Variants in XIRP2 observed in about 807,000 individuals in gnomAD.
XIRP2 encodes the protein xin actin-binding repeat-containing protein 2.
In XIRP2, 236 loss-of-function variants were observed where a neutral mutation model predicts 277.0. The ratio of observed to expected loss-of-function variants is 0.85; its 90% confidence interval spans 0.77 to 0.95. The LOEUF is 0.95. Among genes scored for constraint, XIRP2 ranks in the 40% least tolerant of loss-of-function variants. The pLI, the probability that XIRP2 is intolerant of heterozygous loss-of-function variation, is 0.00. For missense variants in XIRP2, 4,640 were observed against 4,157.5 expected (o/e 1.12, Z -3.19); for synonymous variants, 1,490 against 1,416.5 (o/e 1.05, Z -1.17).
At chr2:167,214,382 C>T (rs1243658944) in intron 4 of XIRP2, among the ~76,000 whole-genome samples, 3 of 147,216 alleles carry the variant, frequency 2.0e-5, no homozygotes, top group Non-Finnish European at 4.5e-5. Flanking sequence ...GAGGCTCAGA[C>T]GGGAGAATCA....
At chr2:167,203,182 G>T (rs1210178629) in intron 3 of XIRP2, among the ~76,000 whole-genome samples, 1 of 152,100 alleles carries the variant, frequency 6.6e-6, no homozygotes, top group Non-Finnish European at 1.5e-5. Flanking sequence ...AGGTCCTGGG[G>T]ATTAGGATGT....
chr2:167,153,543 A>G (rs930494448), intron 3 of XIRP2, among the ~76,000 whole-genome samples: 1 of 151,856 alleles, frequency 6.6e-6, no homozygotes, highest in Non-Finnish European at 1.5e-5. Context: ...TATCTCCTAA[A>G]GCTATCCCTC....
chr2:167,166,600 C>A (rs1356773305), intron 3 of XIRP2, among the ~76,000 whole-genome samples: 1 of 152,100 alleles, frequency 6.6e-6, no homozygotes, highest in African/African-American at 2.4e-5. Context: ...AGGGCACTTA[C>A]AATCATGGCA....
At chr2:166,947,737 C>A (rs1404432490) in intron 2 of XIRP2, among the ~76,000 whole-genome samples, 2 of 152,068 alleles carry the variant, frequency 1.3e-5, no homozygotes, top group Non-Finnish European at 2.9e-5. Flanking sequence ...GCATATGATC[C>A]AGGACTTGGG....
chr2:167,166,608 G>A (rs1692527394), intron 3 of XIRP2, among the ~76,000 whole-genome samples: 1 of 152,246 alleles, frequency 6.6e-6, no homozygotes, highest in African/African-American at 2.4e-5. Flanking sequence ...TACAATCATG[G>A]CAGAAGGCAA....
At chr2:166,913,319 C>CCG (rs1553469503) in intron 2 of XIRP2, among the ~76,000 whole-genome samples, 32 of 75,298 alleles carry the variant, frequency 4.2e-4, no homozygotes, top group African/African-American at 1.1e-3. Flanking sequence ...CACCCCCCCC[C>CCG]CCCAGCCTCG....
chr2:166,908,798 G>T (rs1036372614), intron 2 of XIRP2, among the ~76,000 whole-genome samples: 1 of 152,148 alleles, frequency 6.6e-6, no homozygotes, highest in South Asian at 2.1e-4. Context: ...TTCATATAAG[G>T]TGTAGGGAAG....
intron 2 of XIRP2, among the ~76,000 whole-genome samples, chr2:166,923,792 T>A (rs1315482261): frequency 1.3e-5 from 2 of 152,106 alleles, no homozygotes; most frequent in African/African-American, 2.4e-5. Context: ...GTAAAGTGTA[T>A]CTCCTGGGAG....
intron 1 of XIRP2, among the ~76,000 whole-genome samples, chr2:166,900,965 T>G (rs1339961504): frequency 1.3e-5 from 2 of 152,096 alleles, no homozygotes; most frequent in African/African-American, 4.8e-5. Flanking sequence ...CCACACTTGG[T>G]CTTCTCTAAT....
chr2:166,940,767 G>T (rs1225301398), intron 2 of XIRP2, among the ~76,000 whole-genome samples: 2 of 152,194 alleles, frequency 1.3e-5, no homozygotes, highest in East Asian at 1.9e-4. Context: ...AGTGAATATT[G>T]CTGAACAGCA....
chr2:167,046,214 C>G (rs1323895786), intron 2 of XIRP2, among the ~76,000 whole-genome samples: 2 of 151,894 alleles, frequency 1.3e-5, no homozygotes, highest in Non-Finnish European at 2.9e-5. Context: ...GATTTTGTAT[C>G]CTGAAAGTTT....
At position 167,245,154 on chromosome 2, in the gene XIRP2, C is replaced by G; in HGVS notation, c.3762C>G (p.Ser1254Arg). The G allele has an allele frequency of 6.2e-7, 1 of 1,612,364 alleles. No homozygotes were observed. Residue 1254 changes from serine to arginine, a missense_variant, in exon 9 of 11, where the codon AGC (serine) becomes AGG (arginine). Ser to Arg is a moderately radical substitution (Grantham distance 110, BLOSUM62 -1). Coordinates refer to ENST00000409195, the MANE Select transcript of XIRP2 (RefSeq NM_152381.6). ...AACCAATTGATAAGATAAAAGAAAG[C>G]CAAGAAGGTGATGAATGTGTTAAGA... is the stretch of plus-strand genomic sequence containing the variant. ...ENQPIDKIKE[S>R]QEGDECVKTV...
At chr2:167,042,153 A>C (rs1190423698) in intron 2 of XIRP2, among the ~76,000 whole-genome samples, 2 of 152,222 alleles carry the variant, frequency 1.3e-5, no homozygotes, top group African/African-American at 2.4e-5. Context: ...GGAATTCATT[A>C]CGACCAGACC....
At chr2:167,121,232 C>T (rs938553735) in intron 2 of XIRP2, among the ~76,000 whole-genome samples, 2 of 152,128 alleles carry the variant, frequency 1.3e-5, no homozygotes, top group Admixed American at 6.6e-5. Flanking sequence ...GAAGCCATTC[C>T]ATCTAAGCAT....
intron 1 of XIRP2, among the ~76,000 whole-genome samples, chr2:166,891,008 G>T (rs552059466): frequency 1.3e-5 from 2 of 152,314 alleles, no homozygotes; most frequent in East Asian, 1.9e-4. Flanking sequence ...GCAGCTCCCA[G>T]AGCTGGCTAT....
chr2:167,029,585 G>T (rs543838412), intron 2 of XIRP2, among the ~76,000 whole-genome samples: 2 of 151,868 alleles, frequency 1.3e-5, no homozygotes, highest in Non-Finnish European at 2.9e-5. Context: ...AAGCTTTTTG[G>T]TGTGCTGCTG....
chr2:167,251,601 T>A lies in XIRP2; in HGVS notation c.10209T>A (p.Val3403=), dbSNP rs1407196539. ...GAGAACTGCGAGAAAAGATTCCTGTTAAGCAGCCCAGGATCTGCTCTGAAA... is the reference window on the plus strand; with the variant it reads ...GAGAACTGCGAGAAAAGATTCCTGTAAAGCAGCCCAGGATCTGCTCTGAAA... The part of the protein sequence containing the change: ...HPRELREKIP[V]KQPRICSETR... Residue 3403 remains valine (V), a synonymous_variant, in exon 9 of 11, where the codon GTT becomes GTA. Transcript: ENST00000409195. 6.2e-7 allele frequency: 1 copy of A among 1,613,456 alleles called. No homozygotes were observed. Among genetic ancestry groups the A allele is most frequent in the African/African-American group, 1.3e-5 (1 of 74,860 alleles).
At chr2:167,126,318 C>A (rs1034589133) in intron 2 of XIRP2, among the ~76,000 whole-genome samples, 1 of 152,064 alleles carries the variant, frequency 6.6e-6, no homozygotes, top group Non-Finnish European at 1.5e-5. Flanking sequence ...ACCTGCCATG[C>A]CAGTGAAGGG....
intron 2 of XIRP2, among the ~76,000 whole-genome samples, chr2:167,032,192 A>C (rs1037937746): frequency 2.0e-5 from 3 of 152,182 alleles, no homozygotes; most frequent in Non-Finnish European, 4.4e-5. Context: ...TGACAAAAAC[A>C]AGCAATGGGG....
Sources: allele counts gnomAD v4.1 joint callset (sites outside exome capture counted in the v4.1 genomes callset), GRCh38; gene constraint gnomAD v4.1.1; transcripts MANE v1.5; gene names NCBI Gene and HGNC (gene_info 2026-07-23, HGNC 2026-07-21).